Variants in ELMO1 observed in about 807,000 individuals in gnomAD.
ELMO1 encodes the protein engulfment and cell motility 1, also known as engulfment and cell motility protein 1.
In ELMO1, 26 loss-of-function variants were observed where a neutral mutation model predicts 98.9. That is an observed-to-expected ratio of 0.26 (90% confidence interval 0.19 to 0.36). The LOEUF (loss-of-function observed/expected upper bound fraction) is 0.36. Among genes scored for constraint, ELMO1 ranks in the 10% least tolerant of loss-of-function variants. The probability of loss-of-function intolerance (pLI) is 1.00; values close to 1 mark genes in which losing one functional copy is unlikely to be tolerated. For missense variants in ELMO1, 627 were observed against 935.2 expected (o/e 0.67, Z 4.30); for synonymous variants, 346 against 346.0 (o/e 1.00, Z 0.00).
At chr7:37,444,519 A>ATT in intron 1 of ELMO1, among the ~76,000 whole-genome samples, 1 of 148,340 alleles carries the variant, frequency 6.7e-6, no homozygotes, top group African/African-American at 2.5e-5. Context: ...AAATAGTGGC[A>ATT]TTTTTTTTTT....
chr7:37,259,399 C>G (rs990284613), intron 5 of ELMO1, 49 bp from the exon 6 acceptor site: 2 of 1,578,786 alleles, frequency 1.3e-6, no homozygotes, highest in African/African-American at 2.7e-5. Flanking sequence ...GAAACCACAA[C>G]AGCAAAACAG....
At chr7:36,926,878 T>G (rs1393717684) in intron 16 of ELMO1, among the ~76,000 whole-genome samples, 1 of 152,216 alleles carries the variant, frequency 6.6e-6, no homozygotes, top group Non-Finnish European at 1.5e-5. Flanking sequence ...TTGCATTAAT[T>G]TTTTTCCTAA....
At chr7:37,130,195 C>T (rs1038125448) in intron 14 of ELMO1, among the ~76,000 whole-genome samples, 1 of 152,146 alleles carries the variant, frequency 6.6e-6, no homozygotes, top group Non-Finnish European at 1.5e-5. Context: ...TTTGTCTCTT[C>T]ACCCCCCACC....
At position 36,965,156 on chromosome 7, in the gene ELMO1, C is replaced by T. The variant is rs541081334; in HGVS notation, c.1437+48143G>A. 5.3e-5 allele frequency among the ~76,000 whole-genome samples: 8 copies of T among 152,260 alleles called. No individual in the cohort carries two copies. The East Asian group carries it at 9.7e-4, about 18-fold the overall frequency. On this transcript the variant is annotated intron_variant, in intron 16 of 21. Coordinates refer to ENST00000310758, the MANE Select transcript of ELMO1 (RefSeq NM_014800.11). ...CAGGCCTTACCCAACCATCCTTTCCCCATGAGTTCTCTCCCTAAGATCCGT... is the reference window on the plus strand; with the variant it reads ...CAGGCCTTACCCAACCATCCTTTCCTCATGAGTTCTCTCCCTAAGATCCGT...
chr7:37,090,298 C>A (rs1019360094), intron 15 of ELMO1, among the ~76,000 whole-genome samples: 2 of 152,236 alleles, frequency 1.3e-5, no homozygotes, highest in Non-Finnish European at 2.9e-5. Context: ...TAGGCCAGGA[C>A]TGGGGTGAGC....
chr7:37,344,185 C>A (rs1179378273), intron 1 of ELMO1, among the ~76,000 whole-genome samples: 1 of 151,972 alleles, frequency 6.6e-6, no homozygotes, highest in East Asian at 1.9e-4. Context: ...ACGCACACCA[C>A]CACATCCGGC....
At chr7:36,958,248 A>T (rs1038622518) in intron 16 of ELMO1, among the ~76,000 whole-genome samples, 5 of 152,204 alleles carry the variant, frequency 3.3e-5, no homozygotes, top group Non-Finnish European at 7.3e-5. Context: ...AACCTAGCTT[A>T]AATCCTATTC....
chr7:37,018,988 TTGA>T (rs1009071553), intron 15 of ELMO1, among the ~76,000 whole-genome samples: 10 of 152,322 alleles, frequency 6.6e-5, no homozygotes, highest in African/African-American at 2.4e-4. Flanking sequence ...CCAATCATTC[TTGA>T]TGATATGTCA....
rs11972922 is a variant in ELMO1 at position 37,316,943 on chromosome 7, G to A, written c.79-983C>T. Among the ~76,000 whole-genome samples the A allele has an allele frequency of 8.2e-3, 1,240 of 152,110 alleles. 20 individuals are homozygous for A. Among genetic ancestry groups the A allele is most frequent in the African/African-American group, 0.029 (1,192 of 41,504 alleles). ...GATCAGTTCAAATCCAGCTCTATCA[G>A]CTTGTTTGCAGCGTAAGTAACCGCA... On this transcript the variant is annotated intron_variant, in intron 2 of 21. Transcript: ENST00000310758.
intron 16 of ELMO1, among the ~76,000 whole-genome samples, chr7:36,903,261 G>A (rs576133908): frequency 6.6e-6 from 1 of 152,088 alleles, no homozygotes; most frequent in Non-Finnish European, 1.5e-5. Context: ...TCAAGCCTAG[G>A]CCTAGATGTT....
intron 16 of ELMO1, among the ~76,000 whole-genome samples, chr7:36,991,431 T>G (rs956499580): frequency 6.6e-6 from 1 of 152,240 alleles, no homozygotes; most frequent in African/African-American, 2.4e-5. Context: ...TGAAACTACT[T>G]TATTTCATTC....
At chr7:37,321,729 A>AAAAAAAAAAAAC (rs1306951906) in intron 2 of ELMO1, among the ~76,000 whole-genome samples, 1 of 150,164 alleles carries the variant, frequency 6.7e-6, no homozygotes, top group African/African-American at 2.5e-5. Context: ...AAAAAAAAAA[A>AAAAAAAAAAAAC]AAAAAAAAAC....
chr7:37,248,424 G>A (rs552503926), intron 6 of ELMO1, among the ~76,000 whole-genome samples: 1 of 152,052 alleles, frequency 6.6e-6, no homozygotes, highest in Non-Finnish European at 1.5e-5. Context: ...GACGCACAGA[G>A]AAAGCAAAAG....
chr7:37,281,866 C>G (rs1011222081), intron 4 of ELMO1, among the ~76,000 whole-genome samples: 2 of 152,198 alleles, frequency 1.3e-5, no homozygotes, highest in Non-Finnish European at 2.9e-5. Flanking sequence ...TGACTGCACA[C>G]AATGTACGAG....
At chr7:37,233,380 T>TGGGCAGGACGGCCTTGATGAGGTC (rs1415422425) in intron 7 of ELMO1, among the ~76,000 whole-genome samples, 186 bp from the exon 8 acceptor site, 2 of 150,970 alleles carry the variant, frequency 1.3e-5, no homozygotes, top group Admixed American at 1.3e-4. Flanking sequence ...TTGATGAGGT[T>TGGGCAGGACGGCCTTGATGAGGTC]GGGCAGGACG....
chr7:37,366,406 G>C (rs1368189758), intron 1 of ELMO1, among the ~76,000 whole-genome samples: 1 of 152,136 alleles, frequency 6.6e-6, no homozygotes, highest in African/African-American at 2.4e-5. Flanking sequence ...GGGTCTCTGT[G>C]AGGAAGGTCA....
intron 1 of ELMO1, among the ~76,000 whole-genome samples, chr7:37,347,091 T>C (rs1801044604): frequency 6.6e-6 from 1 of 152,212 alleles, no homozygotes; most frequent in Non-Finnish European, 1.5e-5. Context: ...GAGGGGGGCA[T>C]AGCAAGGCTC....
chr7:37,048,748 G>A, intron 15 of ELMO1, among the ~76,000 whole-genome samples: 1 of 152,140 alleles, frequency 6.6e-6, no homozygotes, highest in East Asian at 1.9e-4. Flanking sequence ...GTTTTCTTAT[G>A]TATTACCTTA....
At chr7:37,176,419 ATATTTTGGTC>A (rs1422592604) in intron 13 of ELMO1, among the ~76,000 whole-genome samples, 1 of 152,260 alleles carries the variant, frequency 6.6e-6, no homozygotes, top group African/African-American at 2.4e-5. Flanking sequence ...AAGTCTCCAA[ATATTTTGGTC>A]TATCGCAGTG....
Sources: allele counts gnomAD v4.1 joint callset (sites outside exome capture counted in the v4.1 genomes callset), GRCh38; gene constraint gnomAD v4.1.1; transcripts MANE v1.5; gene names NCBI Gene and HGNC (gene_info 2026-07-23, HGNC 2026-07-21).